Variants in FNDC3B observed in about 807,000 individuals in gnomAD.
The protein encoded by FNDC3B is fibronectin type III domain-containing protein 3B.
A neutral mutation model predicts 151.5 loss-of-function variants in FNDC3B; 12 were observed. That is an observed-to-expected ratio of 0.08 (90% confidence interval 0.05 to 0.13). FNDC3B has a LOEUF of 0.13. Ranked by LOEUF, FNDC3B falls within the 10% of genes least tolerant of loss-of-function variation. FNDC3B has a pLI of 1.00. For missense variants in FNDC3B, 1,214 were observed against 1,505.3 expected, an observed-to-expected ratio of 0.81 and a Z score of 3.20; for synonymous variants, 528 against 549.0, an observed-to-expected ratio of 0.96 and a Z score of 0.54.
At chr3:172,397,015 T>C (rs1434601250) in intron 25 of FNDC3B, 149 bp from the exon 26 acceptor site, 1 of 621,256 alleles carries the variant, frequency 1.6e-6, no homozygotes, top group African/African-American at 1.9e-5. Flanking sequence ...GGAATACAGA[T>C]TGAGAGAAGT....
At chr3:172,273,374 G>A (rs1321386395) in intron 6 of FNDC3B, among the ~76,000 whole-genome samples, 1 of 152,104 alleles carries the variant, frequency 6.6e-6, no homozygotes, top group African/African-American at 2.4e-5. Flanking sequence ...TAGAAAAAAA[G>A]TCCCCTAAAG....
At chr3:172,177,858 T>C (rs35796867) in intron 3 of FNDC3B, among the ~76,000 whole-genome samples, 59,520 of 151,114 alleles carry the variant, frequency 0.39, 11,855 homozygotes, top group African/African-American at 0.41. Flanking sequence ...CCCTCACCCC[T>C]GTCCCTGACA....
chr3:172,248,266 G>A (rs1727884668), intron 5 of FNDC3B, among the ~76,000 whole-genome samples: 1 of 152,190 alleles, frequency 6.6e-6, no homozygotes, highest in South Asian at 2.1e-4. Context: ...TCTATGTTGT[G>A]ATGCTGGCAG....
Position 172,307,425 on chromosome 3 carries a change from A to G in FNDC3B, c.1124A>G (p.His375Arg). Residue 375 changes from histidine to arginine, a missense_variant, in exon 10 of 26, where the codon CAC becomes CGC. By Grantham distance (29) the His-to-Arg change is conservative. Around this residue, in one of 7 missense-constraint regions of FNDC3B, gnomAD observed 156 missense variants for 225.3 expected, o/e 0.69. Transcript: ENST00000415807. ...TCCGAGCCTGTTAGCTTCACCACCC[A>G]CAGCTGTGCACCCGAGTGTCCTTTC... ...SCSEPVSFTTHSCAPECPFPP... is the reference protein window; with the variant it reads ...SCSEPVSFTTRSCAPECPFPP... 6.2e-7 allele frequency: 1 copy of G among 1,614,108 alleles called. No homozygotes were observed. Among genetic ancestry groups the G allele is most frequent in the South Asian group, 1.1e-5 (1 of 91,076 alleles).
Position 172,112,490 on chromosome 3 carries a change from CAAT to C in FNDC3B, c.12_14del (p.Met7del). On this transcript the variant is annotated inframe_deletion, in exon 2 of 26. Coordinates refer to ENST00000415807, the MANE Select transcript of FNDC3B (RefSeq NM_022763.4). ...GGAAGTTCTCCATGAATGTACGTCA[CAAT>C]GATGATGACCGACCAAATCCCTCTG... 3 of 1,613,208 alleles carry C rather than the reference CAAT, an allele frequency of 1.9e-6. No homozygotes were observed. The highest frequency in any genetic ancestry group is 1.1e-5 in the South Asian group (1 of 91,066).
At chr3:172,071,492 T>C (rs1226963672) in intron 1 of FNDC3B, among the ~76,000 whole-genome samples, 1 of 152,218 alleles carries the variant, frequency 6.6e-6, no homozygotes, top group Admixed American at 6.5e-5. Flanking sequence ...TTGGAAAAAC[T>C]AACCTGGTTT....
Position 172,320,038 on chromosome 3 carries a change from C to T in FNDC3B, c.1255-8914C>T, listed in dbSNP as rs532989240. 1.6e-3 allele frequency among the ~76,000 whole-genome samples: 246 copies of T among 152,228 alleles called. 1 individual carries two copies. Among genetic ancestry groups the T allele is most frequent in the African/African-American group, 5.9e-3 (244 of 41,532 alleles). ...TGGAACTTATTTAGCAGACAGTCATCAAACCTGGTAAGAGCAGCTCAGGAA... is the reference window on the plus strand; with the variant it reads ...TGGAACTTATTTAGCAGACAGTCATTAAACCTGGTAAGAGCAGCTCAGGAA... On this transcript the variant is annotated intron_variant, in intron 11 of 25. Coordinates refer to ENST00000415807, the MANE Select transcript of FNDC3B (RefSeq NM_022763.4).
chr3:172,348,486 T>C (rs953193633), intron 21 of FNDC3B, among the ~76,000 whole-genome samples: 4 of 152,226 alleles, frequency 2.6e-5, no homozygotes, highest in African/African-American at 7.2e-5. Context: ...ATATTTATAA[T>C]AGTGATGCTG....
intron 1 of FNDC3B, among the ~76,000 whole-genome samples, chr3:172,088,470 A>G (rs1322918238): frequency 2.0e-5 from 3 of 152,218 alleles, no homozygotes; most frequent in Non-Finnish European, 4.4e-5. Flanking sequence ...AATCCCATGT[A>G]AAGTATGTTT....
chr3:172,199,379 C>T (rs570888902), intron 3 of FNDC3B, among the ~76,000 whole-genome samples: 79 of 150,038 alleles, frequency 5.3e-4, no homozygotes, highest in Non-Finnish European at 9.9e-4. Flanking sequence ...CGGGGTTTCA[C>T]CGTGTTAGCC....
At chr3:172,354,056 T>C (rs1733977009) in intron 22 of FNDC3B, among the ~76,000 whole-genome samples, 1 of 152,126 alleles carries the variant, frequency 6.6e-6, no homozygotes. Flanking sequence ...CATACTTGCT[T>C]TTTCTTTTAC....
chr3:172,373,758 A>G (rs1734992313), intron 23 of FNDC3B, among the ~76,000 whole-genome samples: 1 of 152,224 alleles, frequency 6.6e-6, no homozygotes, highest in Admixed American at 6.5e-5. Flanking sequence ...AGAGCACCAT[A>G]CAAATGGCCA....
chr3:172,116,851 C>G (rs1416822626), intron 2 of FNDC3B, among the ~76,000 whole-genome samples: 1 of 152,208 alleles, frequency 6.6e-6, no homozygotes, highest in Non-Finnish European at 1.5e-5. Context: ...CATGTGTGAG[C>G]CACCACGCCC....
chr3:172,147,576 AC>A (rs575280912), intron 3 of FNDC3B, among the ~76,000 whole-genome samples: 100 of 152,264 alleles, frequency 6.6e-4, no homozygotes, highest in African/African-American at 2.3e-3. Context: ...AAGATTATCA[AC>A]AGGTAGTCTC....
chr3:172,179,117 G>A (rs776269663), intron 3 of FNDC3B, among the ~76,000 whole-genome samples: 5 of 151,954 alleles, frequency 3.3e-5, no homozygotes, highest in East Asian at 1.9e-4. Flanking sequence ...GCTGGAGTGC[G>A]GTGGTGCAAT....
intron 25 of FNDC3B, among the ~76,000 whole-genome samples, chr3:172,392,810 C>CTTTCTTTTTTTTTTTTTTTTTTTTTTTTT (rs1491505881): frequency 1.0e-5 from 1 of 99,874 alleles, no homozygotes; most frequent in African/African-American, 3.6e-5. Context: ...TTTTTTTTTT[C>CTTTCTTTTTTTTTTTTTTTTTTTTTTTTT]TTTTTTTTTT....
intron 2 of FNDC3B, among the ~76,000 whole-genome samples, chr3:172,113,087 C>T (rs189835800): frequency 1.3e-5 from 2 of 152,240 alleles, no homozygotes; most frequent in East Asian, 1.9e-4. Context: ...AGTCACTGAA[C>T]ATTGTGGAAT....
In FNDC3B at chr3:172,400,797, G is replaced by C. The variant is rs1333975907; in HGVS notation, c.*3322G>C. On this transcript the variant is annotated 3_prime_UTR_variant, in exon 26 of 26. Coordinates refer to ENST00000415807, the MANE Select transcript of FNDC3B (RefSeq NM_022763.4). ...TTTTGAGACGGAGTCTTGCTCTGTC[G>C]CCAGGCTGGAGTGCAGTGGCGCGAT... 6.9e-6 allele frequency: 1 copy of C among 145,250 alleles called. No homozygotes were observed. The highest frequency in any genetic ancestry group is 2.5e-5 in the African/African-American group (1 of 39,384). The allele number at this position is 145,250 out of a possible 1,614,324, so 9.0% of individuals were successfully genotyped here.
intron 3 of FNDC3B, among the ~76,000 whole-genome samples, chr3:172,138,988 T>C (rs542548466): frequency 2.0e-5 from 3 of 152,364 alleles, no homozygotes; most frequent in South Asian, 2.1e-4. Context: ...AACTGTATCG[T>C]TGATGAACAT....
Sources: allele counts gnomAD v4.1 joint callset (sites outside exome capture counted in the v4.1 genomes callset), GRCh38; gene constraint gnomAD v4.1.1; regional missense constraint gnomAD v4.1.1; transcripts MANE v1.5; gene names NCBI Gene and HGNC (gene_info 2026-07-23, HGNC 2026-07-21).